Variants in ZUP1 observed in about 807,000 individuals in gnomAD.
ZUP1 encodes the protein zinc finger-containing ubiquitin peptidase 1.
A neutral mutation model predicts 68.1 loss-of-function variants in ZUP1; 55 were observed. That is an observed-to-expected ratio of 0.81 (90% CI 0.65 to 1.01). The LOEUF is 1.01. Ranked by LOEUF, ZUP1 falls within the 50% of genes least tolerant of loss-of-function variation. The pLI is 0.00. For missense variants in ZUP1, 684 were observed against 674.9 expected, an observed-to-expected ratio of 1.01 and a Z score of -0.15; for synonymous variants, 223 against 221.5, an observed-to-expected ratio of 1.01 and a Z score of -0.06.
At chr6:116,662,640 T>C (rs1776879221) in intron 2 of ZUP1, among the ~76,000 whole-genome samples, 1 of 152,208 alleles carries the variant, frequency 6.6e-6, no homozygotes, top group Non-Finnish European at 1.5e-5. Flanking sequence ...TCAGCTTCTC[T>C]ATACACAAAA....
intron 2 of ZUP1, among the ~76,000 whole-genome samples, chr6:116,662,728 GC>G (rs770684562): frequency 6.6e-6 from 1 of 152,004 alleles, no homozygotes; most frequent in Non-Finnish European, 1.5e-5. Flanking sequence ...TTTCTCTACA[GC>G]CCCCTAACAC....
chr6:116,665,701 T>C (rs1776982439), intron 2 of ZUP1, among the ~76,000 whole-genome samples: 1 of 147,310 alleles, frequency 6.8e-6, no homozygotes, highest in Non-Finnish European at 1.5e-5. Flanking sequence ...TATTTCAGCC[T>C]CCCAAATAGC....
chr6:116,640,347 G>C (rs1776057666), intron 9 of ZUP1, among the ~76,000 whole-genome samples: 1 of 152,128 alleles, frequency 6.6e-6, no homozygotes, highest in Non-Finnish European at 1.5e-5. Context: ...ATGCCACAAA[G>C]ATACTCCTCG....
Position 116,647,469 on chromosome 6 carries a change from A to AAGAT in ZUP1, c.1454_1457dup (p.Gln487SerfsTer14). On this transcript the variant is annotated frameshift_variant, in exon 8 of 10. Transcript: ENST00000368576. LOFTEE classifies it high-confidence loss of function. ...TATATTAATACTAACCTTGATGCTGAAGATAGATAGGAGGTTTAGATGTAC... is the reference window on the plus strand; with the variant it reads ...TATATTAATACTAACCTTGATGCTGAAGATAGATAGATAGGAGGTTTAGATGTAC... 6.4e-7 allele frequency: 1 copy of AAGAT among 1,566,140 alleles called. No individual in the cohort carries two copies. The highest frequency in any genetic ancestry group is 1.4e-5 in the African/African-American group (1 of 74,032).
At position 116,647,561 on chromosome 6, in the gene ZUP1, G is replaced by T; in HGVS notation, c.1366C>A (p.Pro456Thr). The change falls in exon 8 of 10, where the codon CCT becomes ACT. Residue 456 changes from proline to threonine, a missense_variant. Transcript: ENST00000368576. Reference sequence around the variant, plus strand: ...TTCAATATCCATTCAAATAAGCGAGGGTGTGTACCCAAAGGACCAGTTGAT... The same window carrying T: ...TTCAATATCCATTCAAATAAGCGAGTGTGTGTACCCAAAGGACCAGTTGAT... ...HKSTGPLGTH[P>T]RLFEWILNYY... The T allele has an allele frequency of 6.3e-7, 1 of 1,596,756 alleles. No individual in the cohort carries two copies.
At position 116,647,594 on chromosome 6, in the gene ZUP1, A is replaced by G. The variant is rs202076827; in HGVS notation, c.1333T>C (p.Phe445Leu). ...SLRVKCHIVD[F>L]HKSTGPLGTH... ...CCCAAAGGACCAGTTGATTTGTGAAAATCAACAATATGACACCTATTAAAA... is the reference window on the plus strand; with the variant it reads ...CCCAAAGGACCAGTTGATTTGTGAAGATCAACAATATGACACCTATTAAAA... The change falls in exon 8 of 10, where the codon TTT becomes CTT. Residue 445 changes from phenylalanine (F) to leucine (L), a missense_variant. Physicochemically the swap from Phe to Leu is conservative, Grantham distance 22. Transcript: ENST00000368576. 1,216 of 1,570,710 alleles carry G rather than the reference A, an allele frequency of 7.7e-4. 4 individuals carry two copies. The highest frequency in any genetic ancestry group is 3.8e-3 in the South Asian group (320 of 84,716).
chr6:116,643,245 G>A (rs1004249988), intron 9 of ZUP1, among the ~76,000 whole-genome samples: 2 of 152,124 alleles, frequency 1.3e-5, no homozygotes, highest in Admixed American at 1.3e-4. Context: ...TCAATATCGT[G>A]AAAATGGCCA....
chr6:116,659,697 G>A (rs528806791), intron 3 of ZUP1, among the ~76,000 whole-genome samples: 3 of 151,850 alleles, frequency 2.0e-5, no homozygotes, highest in South Asian at 4.2e-4. Context: ...TTACAGTTTG[G>A]CCCCCAAAAA....
chr6:116,649,763 A>C (rs1408659082), intron 7 of ZUP1, among the ~76,000 whole-genome samples: 1 of 152,242 alleles, frequency 6.6e-6, no homozygotes, highest in Non-Finnish European at 1.5e-5. Context: ...CTTTTAAATA[A>C]GTCTGCTAAT....
At chr6:116,645,655 G>T in intron 9 of ZUP1, 59 bp downstream of exon 9, 10 of 1,134,004 alleles carry the variant, frequency 8.8e-6, no homozygotes, top group Non-Finnish European at 1.1e-5. Flanking sequence ...TAAACTAAAA[G>T]TTTTAAACTT....
At chr6:116,663,468 A>T (rs961416685) in intron 2 of ZUP1, among the ~76,000 whole-genome samples, 1 of 152,134 alleles carries the variant, frequency 6.6e-6, no homozygotes, top group Non-Finnish European at 1.5e-5. Flanking sequence ...AGACTACCAA[A>T]ATTCACCAGT....
At chr6:116,641,080 A>G (rs543400175) in intron 9 of ZUP1, among the ~76,000 whole-genome samples, 3,320 of 148,004 alleles carry the variant, frequency 0.022, 64 homozygotes, top group Middle Eastern at 0.099. Flanking sequence ...CAAAGATCAA[A>G]AGAGACAAAG....
At chr6:116,657,024 C>CAA (rs779429729) in intron 4 of ZUP1, among the ~76,000 whole-genome samples, 172 bp from the exon 5 acceptor site, 24 of 87,298 alleles carry the variant, frequency 2.7e-4, no homozygotes, top group South Asian at 4.5e-4. Flanking sequence ...CACACACACA[C>CAA]AAAAAAAAAT....
At chr6:116,635,924 T>A in intron 9 of ZUP1, 45 bp from the exon 10 acceptor site, 1 of 1,313,870 alleles carries the variant, frequency 7.6e-7, no homozygotes, top group Non-Finnish European at 1.1e-6. Context: ...ATAAGTCAAT[T>A]AATTAGAATA....
chr6:116,644,605 C>T (rs1057455665), intron 9 of ZUP1, among the ~76,000 whole-genome samples: 132 of 151,488 alleles, frequency 8.7e-4, no homozygotes, highest in Non-Finnish European at 1.5e-3. Flanking sequence ...CACCAAACAC[C>T]GCATGTTCTC....
At chr6:116,655,458 G>C (rs1228244009) in intron 5 of ZUP1, among the ~76,000 whole-genome samples, 1 of 152,062 alleles carries the variant, frequency 6.6e-6, no homozygotes, top group African/African-American at 2.4e-5. Flanking sequence ...TGTGGGGAGG[G>C]CAAATTAGAA....
At chr6:116,649,646 G>C (rs1428359517) in intron 7 of ZUP1, among the ~76,000 whole-genome samples, 1 of 152,208 alleles carries the variant, frequency 6.6e-6, no homozygotes, top group Non-Finnish European at 1.5e-5. Flanking sequence ...CTCTAGGTAA[G>C]AGAGTGAAAA....
At chr6:116,665,738 CCTGG>C (rs1776985246) in intron 2 of ZUP1, among the ~76,000 whole-genome samples, 1 of 148,848 alleles carries the variant, frequency 6.7e-6, no homozygotes, top group Non-Finnish European at 1.5e-5. Flanking sequence ...AGCCACTAGG[CCTGG>C]CTAGTTTTTT....
Position 116,667,021 on chromosome 6 carries a change from G to C in ZUP1, c.172C>G (p.Leu58Val). 1 of 1,613,552 alleles carries C rather than the reference G, an allele frequency of 6.2e-7. No homozygotes were observed. Among genetic ancestry groups the C allele is most frequent in the Non-Finnish European group, 8.5e-7 (1 of 1,179,772 alleles). ...IETAHFEQNTLERNFERINTV... is the reference protein window; with the variant it reads ...IETAHFEQNTVERNFERINTV... Reference sequence around the variant, plus strand: ...TTTATCCTCTCAAAGTTTCTTTCAAGTGTATTCTGCTCAAAATGAGCTGTT... The same window carrying C: ...TTTATCCTCTCAAAGTTTCTTTCAACTGTATTCTGCTCAAAATGAGCTGTT... The change falls in exon 2 of 10, where the codon CTT becomes GTT. Residue 58 changes from leucine to valine, a missense_variant. Physicochemically the swap from Leu to Val is conservative, Grantham distance 32. Coordinates refer to ENST00000368576, the MANE Select transcript of ZUP1 (RefSeq NM_145062.3).
Sources: gnomAD v4.1 joint callset for allele counts (sites outside exome capture counted in the v4.1 genomes callset) on GRCh38, gnomAD v4.1.1 for gene constraint, MANE v1.5 for transcripts, NCBI Gene and HGNC (gene_info 2026-07-23, HGNC 2026-07-21) for gene names.